The following DPP6 variants were observed in gnomAD, a reference collection of about 807,000 sequenced individuals.
DPP6 encodes the protein A-type potassium channel modulatory protein DPP6.
Under a neutral mutation model 122.6 loss-of-function variants are expected in DPP6, and 69 were observed. The ratio of observed to expected loss-of-function variants is 0.56; its 90% CI spans 0.46 to 0.69. DPP6 has a LOEUF of 0.69. Ranked by LOEUF, DPP6 falls within the 30% of genes least tolerant of loss-of-function variation. The pLI is 0.00. For missense variants in DPP6, 928 were observed against 1,116.9 expected (o/e 0.83, Z 2.41); for synonymous variants, 418 against 433.1 (o/e 0.97, Z 0.43).
chr7:153,910,234 C>CTTTTTTTTTTTTTTT (rs111816561), intron 1 of DPP6, among the ~76,000 whole-genome samples: 2 of 137,752 alleles, frequency 1.5e-5, no homozygotes, highest in African/African-American at 5.4e-5. Flanking sequence ...TTCTTTCTTT[C>CTTTTTTTTTTTTTTT]TTTTTTTTTT....
At chr7:154,868,404 CCT>C (rs1414566149) in intron 18 of DPP6, among the ~76,000 whole-genome samples, 1 of 152,214 alleles carries the variant, frequency 6.6e-6, no homozygotes, top group Non-Finnish European at 1.5e-5. Flanking sequence ...TCCAGAAAAA[CCT>C]CTTCCCTCTG....
chr7:154,461,102 G>T lies in DPP6; in HGVS notation c.359-13837G>T, dbSNP rs370548607. 2.6e-5 allele frequency among the ~76,000 whole-genome samples: 4 copies of T among 151,492 alleles called. No individual in the cohort carries two copies. In the East Asian group the frequency reaches 7.8e-4, roughly 29 times the overall value. Reference sequence around the variant, plus strand: ...CCACAAATAAATGAGAACATGCCAAGTATGTCTTTCTGTGCCAAGTTTGTC... The same window carrying T: ...CCACAAATAAATGAGAACATGCCAATTATGTCTTTCTGTGCCAAGTTTGTC... On this transcript the variant is annotated intron_variant, in intron 2 of 25. Transcript: ENST00000377770.
intron 1 of DPP6, among the ~76,000 whole-genome samples, chr7:154,208,219 T>G: frequency 6.6e-6 from 1 of 152,192 alleles, no homozygotes; most frequent in East Asian, 1.9e-4. Context: ...TATCAAAAAC[T>G]TTCACTACTG....
At chr7:153,828,671 G>A in the DPP6 span, among the ~76,000 whole-genome samples, 5 of 152,126 alleles carry the variant, frequency 3.3e-5, no homozygotes, top group African/African-American at 1.2e-4. Flanking sequence ...GGGGAATTTT[G>A]GGATGGATAC....
At chr7:153,974,359 A>G (rs949480003) in intron 1 of DPP6, among the ~76,000 whole-genome samples, 8 of 152,130 alleles carry the variant, frequency 5.3e-5, no homozygotes, top group Admixed American at 2.0e-4. Flanking sequence ...GGAGCTTCGT[A>G]TTTTCAGAGA....
intron 1 of DPP6, among the ~76,000 whole-genome samples, chr7:154,208,337 C>T (rs144915803): frequency 2.0e-5 from 3 of 152,298 alleles, no homozygotes; most frequent in African/African-American, 4.8e-5. Context: ...AAAAATAGAG[C>T]TGAACTCTCC....
intron 1 of DPP6, among the ~76,000 whole-genome samples, chr7:153,893,568 AC>A (rs1799293553): frequency 1.3e-5 from 2 of 152,250 alleles, no homozygotes; most frequent in Admixed American, 1.3e-4. Context: ...ACATCAGGTA[AC>A]AGGAGAGAGA....
At chr7:153,813,022 T>C in the DPP6 span, among the ~76,000 whole-genome samples, 1 of 152,126 alleles carries the variant, frequency 6.6e-6, no homozygotes, top group Non-Finnish European at 1.5e-5. Context: ...GGAAATTTTT[T>C]TTTATTATTA....
At chr7:154,370,207 C>G (rs1156557857) in intron 1 of DPP6, among the ~76,000 whole-genome samples, 1 of 151,810 alleles carries the variant, frequency 6.6e-6, no homozygotes, top group Non-Finnish European at 1.5e-5. Context: ...GGTCTTGAAC[C>G]CCTGACCTCA....
intron 1 of DPP6, among the ~76,000 whole-genome samples, chr7:154,150,517 A>G (rs1585494162): frequency 6.6e-6 from 1 of 152,246 alleles, no homozygotes; most frequent in Non-Finnish European, 1.5e-5. Context: ...TAGGAAAGAA[A>G]GGCCCAAGGG....
rs1027450777 is a variant in DPP6 at position 154,158,749 on chromosome 7, C to A, written c.243+105686C>A. Among the ~76,000 whole-genome samples the A allele has an allele frequency of 2.0e-5, 3 of 151,960 alleles. 1 individual carries two copies. Among genetic ancestry groups the A allele is most frequent in the African/African-American group, 7.3e-5 (3 of 41,302 alleles). On this transcript the variant is annotated intron_variant, in intron 1 of 25. Coordinates refer to ENST00000377770, the MANE Select transcript of DPP6 (RefSeq NM_130797.4). Reference sequence around the variant, plus strand: ...AGCAGGTGTTACTGTGATTAAGCAGCGAGTCAGCTTTTAAACTGAGGACTC... The same window carrying A: ...AGCAGGTGTTACTGTGATTAAGCAGAGAGTCAGCTTTTAAACTGAGGACTC...
At chr7:154,300,795 G>C (rs1448997136) in intron 1 of DPP6, among the ~76,000 whole-genome samples, 1 of 152,172 alleles carries the variant, frequency 6.6e-6, no homozygotes, top group East Asian at 1.9e-4. Context: ...AATGAAATGG[G>C]GATAGTAATC....
intron 1 of DPP6, among the ~76,000 whole-genome samples, chr7:154,302,914 G>A (rs1806004184): frequency 6.6e-6 from 1 of 152,188 alleles, no homozygotes; most frequent in South Asian, 2.1e-4. Context: ...GGTTAGCAAT[G>A]AATCCTTCCT....
intron 1 of DPP6, among the ~76,000 whole-genome samples, chr7:154,220,914 G>A (rs1350032088): frequency 6.6e-6 from 1 of 152,132 alleles, no homozygotes; most frequent in African/African-American, 2.4e-5. Context: ...TGGGTTTTGG[G>A]GGGCTGCTTT....
At chr7:154,879,344 GC>G (rs1421412431) in intron 20 of DPP6, among the ~76,000 whole-genome samples, 1 of 96,424 alleles carries the variant, frequency 1.0e-5, no homozygotes, top group Admixed American at 1.3e-4. Flanking sequence ...ACTTTGGGAG[GC>G]CGAGGCGGGC....
intron 1 of DPP6, among the ~76,000 whole-genome samples, chr7:153,892,766 A>G (rs1799261129): frequency 6.6e-6 from 1 of 152,066 alleles, no homozygotes; most frequent in African/African-American, 2.4e-5. Context: ...ACAGATTTTG[A>G]GGGAATTTGC....
At position 154,582,866 on chromosome 7, in the gene DPP6, T is replaced by C. The variant is rs181088754; in HGVS notation, c.627+15950T>C. 6.7e-3 allele frequency among the ~76,000 whole-genome samples: 1,017 copies of C among 152,240 alleles called. 5 individuals are homozygous for C. Among genetic ancestry groups the C allele is most frequent in the Non-Finnish European group, 8.9e-3 (602 of 68,008 alleles). On this transcript the variant is annotated intron_variant, in intron 5 of 25. Coordinates refer to ENST00000377770, the MANE Select transcript of DPP6 (RefSeq NM_130797.4). ...GCTCAGGGCTCAGCCACCCAGCCCC[T>C]GGGGAACAGTATGAGTGTCTTCCCC...
chr7:154,862,744 GCCAT>G (rs1426204554), intron 17 of DPP6, among the ~76,000 whole-genome samples: 1 of 152,172 alleles, frequency 6.6e-6, no homozygotes, highest in Non-Finnish European at 1.5e-5. Context: ...TCAAACACCT[GCCAT>G]GGGCCCAGCA....
intron 5 of DPP6, among the ~76,000 whole-genome samples, chr7:154,586,406 C>T (rs1832451842): frequency 6.6e-6 from 1 of 152,196 alleles, no homozygotes; most frequent in African/African-American, 2.4e-5. Flanking sequence ...TGTCCAATCT[C>T]ATGGTTAAGG....
Sources: allele counts gnomAD v4.1 joint callset (sites outside exome capture counted in the v4.1 genomes callset), GRCh38; gene constraint gnomAD v4.1.1; transcripts MANE v1.5; gene names NCBI Gene and HGNC (gene_info 2026-07-23, HGNC 2026-07-21).